UGT1A8: variants seen among roughly 807,000 people sequenced by gnomAD.
The protein encoded by UGT1A8 is UDP glucuronosyltransferase family 1 member A8, also known as UDP-glucuronosyltransferase 1A8.
UGT1A8 carries 39 observed loss-of-function variants against 45.3 expected under a neutral mutation model. The observed-to-expected ratio is 0.86, with a 90% CI of 0.67 to 1.12. The LOEUF (loss-of-function observed/expected upper bound fraction) is 1.12. Ranked by LOEUF, UGT1A8 falls within the 50% of genes most tolerant of loss-of-function variation. UGT1A8 has a pLI of 0.00. For synonymous variants in UGT1A8, 275 were observed against 249.2 expected (o/e 1.10, Z -0.97); for missense variants, 719 against 664.9 (o/e 1.08, Z -0.90).
At chr2:233,757,644 C>A (rs1202656622) in intron 1 of UGT1A8, among the ~76,000 whole-genome samples, 2 of 149,758 alleles carry the variant, frequency 1.3e-5, no homozygotes, top group African/African-American at 4.9e-5. Flanking sequence ...GAACAAAATG[C>A]TGTTTTTCTG....
At chr2:233,771,266 TTTTC>T (rs1700270540) in intron 4 of UGT1A8, 1 of 152,178 alleles carries the variant, frequency 6.6e-6, no homozygotes, top group Non-Finnish European at 1.5e-5. Context: ...GTGCCTTTTT[TTTTC>T]TTTCTTCTCC....
At chr2:233,629,825 T>C (rs546807329) in intron 1 of UGT1A8, among the ~76,000 whole-genome samples, 29 of 152,134 alleles carry the variant, frequency 1.9e-4, no homozygotes, top group Non-Finnish European at 3.7e-4. Context: ...TCTATTGGGG[T>C]TATGCATTTA....
chr2:233,748,068 C>G, intron 1 of UGT1A8: 1 of 1,613,324 alleles, frequency 6.2e-7, no homozygotes, highest in Non-Finnish European at 8.5e-7. Flanking sequence ...CAACAGGAAG[C>G]CACTATCTCA....
chr2:233,763,322 A>T (rs767434078), intron 1 of UGT1A8, among the ~76,000 whole-genome samples: 4 of 152,108 alleles, frequency 2.6e-5, no homozygotes, highest in Non-Finnish European at 5.9e-5. Context: ...CTTCTGTATT[A>T]TTTTTGTTTA....
Position 233,772,391 on chromosome 2 carries a change from C to T in UGT1A8, c.1425C>T (p.Ala475=), listed in dbSNP as rs1559420304. 6.2e-7 allele frequency: 1 copy of T among 1,614,114 alleles called. No individual in the cohort carries two copies. Among genetic ancestry groups the T allele is most frequent in the Non-Finnish European group, 8.5e-7 (1 of 1,180,052 alleles). The change falls in exon 5 of 5, where the codon GCC becomes GCT. Residue 475 remains alanine (A), a synonymous_variant. Coordinates refer to ENST00000373450, the MANE Select transcript of UGT1A8 (RefSeq NM_019076.5). ...HKGAPHLRPA[A]HDLTWYQYHS... is the part of the protein sequence containing the mutation. ...GCGCGCCACACCTGCGCCCCGCAGCCCACGACCTCACCTGGTACCAGTACC... is the reference window on the plus strand; with the variant it reads ...GCGCGCCACACCTGCGCCCCGCAGCTCACGACCTCACCTGGTACCAGTACC...
chr2:233,717,173 C>T (rs1198418738), intron 1 of UGT1A8, among the ~76,000 whole-genome samples: 1 of 152,178 alleles, frequency 6.6e-6, no homozygotes, highest in African/African-American at 2.4e-5. Context: ...TTGAATGTGG[C>T]AAGAGCACCC....
chr2:233,720,624 T>C lies in UGT1A8; in HGVS notation c.856-46410T>C, dbSNP rs562222860. Among the ~76,000 whole-genome samples, 6 of 152,258 alleles carry C rather than the reference T, an allele frequency of 3.9e-5. No individual in the cohort carries two copies. The South Asian group carries it at 1.2e-3, about 32-fold the overall frequency. On this transcript the variant is annotated intron_variant, in intron 1 of 4. Coordinates refer to ENST00000373450, the MANE Select transcript of UGT1A8 (RefSeq NM_019076.5). ...ATTAATACAGAATATTTGGGTTTCATTGAAATAGTACTCTGGGATGTGAAA... is the reference window on the plus strand; with the variant it reads ...ATTAATACAGAATATTTGGGTTTCACTGAAATAGTACTCTGGGATGTGAAA...
intron 1 of UGT1A8, among the ~76,000 whole-genome samples, chr2:233,764,949 G>A (rs1698700873): frequency 6.6e-6 from 1 of 152,108 alleles, no homozygotes. Context: ...GGCGGGGAGA[G>A]AGGGCTCACC....
chr2:233,623,619 T>G (rs1041236013), intron 1 of UGT1A8, among the ~76,000 whole-genome samples: 3 of 152,166 alleles, frequency 2.0e-5, no homozygotes, highest in African/African-American at 7.2e-5. Flanking sequence ...TCTATGACAG[T>G]AAAAATTTTT....
intron 1 of UGT1A8, among the ~76,000 whole-genome samples, chr2:233,674,584 G>C (rs915751411): frequency 1.3e-5 from 2 of 151,902 alleles, no homozygotes; most frequent in Non-Finnish European, 1.5e-5. Context: ...CTATGATAGA[G>C]GGTTATCTAT....
At chr2:233,650,978 T>G (rs558834031) in intron 1 of UGT1A8, among the ~76,000 whole-genome samples, 1 of 152,226 alleles carries the variant, frequency 6.6e-6, no homozygotes, top group Non-Finnish European at 1.5e-5. Flanking sequence ...CACAGTTGTA[T>G]GTCTCACACA....
chr2:233,743,533 T>A lies in UGT1A8; in HGVS notation c.856-23501T>A, dbSNP rs755870649. On this transcript the variant is annotated intron_variant, in intron 1 of 4. Transcript: ENST00000373450. The stretch of plus-strand genomic sequence containing the variant: ...CGCTCTGCTTCTGCTTCCCCAGCAG[T>A]TCCTCTGACCCCCCCAAAATATTCT... 4 of 1,367,096 alleles carry A rather than the reference T, an allele frequency of 2.9e-6. No individual in the cohort carries two copies. The African/African-American group carries it at 5.9e-5, about 20-fold the overall frequency. 84.7% of individuals were successfully genotyped at this position (1,367,096 alleles called of 1,614,324 possible).
intron 1 of UGT1A8, among the ~76,000 whole-genome samples, chr2:233,655,518 T>C (rs565677137): frequency 1.3e-5 from 2 of 152,300 alleles, no homozygotes; most frequent in African/African-American, 4.8e-5. Context: ...TTCCAATGGG[T>C]GACAAGTTCC....
chr2:233,644,659 A>G (rs927894411), intron 1 of UGT1A8, among the ~76,000 whole-genome samples: 1 of 152,210 alleles, frequency 6.6e-6, no homozygotes, highest in African/African-American at 2.4e-5. Flanking sequence ...CTCTAACAGA[A>G]TAGCACTGAT....
intron 1 of UGT1A8, among the ~76,000 whole-genome samples, chr2:233,695,119 C>G (rs542202742): frequency 1.7e-4 from 20 of 115,748 alleles, no homozygotes; most frequent in Non-Finnish European, 3.0e-4. Context: ...ATTAACCAAC[C>G]CTTTTCTTTT....
intron 1 of UGT1A8, among the ~76,000 whole-genome samples, chr2:233,642,835 T>G (rs1397477620): frequency 2.0e-5 from 3 of 152,178 alleles, no homozygotes; most frequent in Non-Finnish European, 4.4e-5. Context: ...CACATACTCT[T>G]GCTTTCTTCC....
intron 1 of UGT1A8, chr2:233,760,991 C>T (rs1247729976): frequency 1.2e-6 from 2 of 1,614,072 alleles, no homozygotes; most frequent in Non-Finnish European, 1.7e-6. Flanking sequence ...ACCCTTGCCT[C>T]AGAATTCCTT....
chr2:233,738,152 A>C (rs1172003617), intron 1 of UGT1A8, among the ~76,000 whole-genome samples: 1 of 152,050 alleles, frequency 6.6e-6, no homozygotes, highest in Non-Finnish European at 1.5e-5. Flanking sequence ...CTTGCAAGCT[A>C]TTCCTCTTTC....
intron 1 of UGT1A8, among the ~76,000 whole-genome samples, chr2:233,637,582 T>A (rs971708136): frequency 2.1e-4 from 32 of 152,218 alleles, no homozygotes; most frequent in African/African-American, 7.2e-4. Flanking sequence ...TGTAATAATT[T>A]AAAAATTATA....
Sources: allele counts gnomAD v4.1 joint callset (sites outside exome capture counted in the v4.1 genomes callset), GRCh38; gene constraint gnomAD v4.1.1; transcripts MANE v1.5; gene names NCBI Gene and HGNC (gene_info 2026-07-23, HGNC 2026-07-21).